Variants in MSRA observed in about 807,000 individuals in gnomAD.
MSRA encodes the protein mitochondrial peptide methionine sulfoxide reductase.
Under a neutral mutation model 31.3 loss-of-function variants are expected in MSRA, and 54 were observed. The observed-to-expected ratio is 1.73, with a 90% CI of 1.39 to 2.17. The LOEUF is 2.17. Among genes scored for constraint, MSRA ranks in the 30% most tolerant of loss-of-function variants. The pLI is 0.00. For missense variants in MSRA, 507 were observed against 300.9 expected (o/e 1.69, Z -5.07); for synonymous variants, 169 against 116.5 (o/e 1.45, Z -2.90).
intron 1 of MSRA, among the ~76,000 whole-genome samples, chr8:10,114,809 C>G (rs978264593): frequency 6.6e-6 from 1 of 152,164 alleles, no homozygotes; most frequent in African/African-American, 2.4e-5. Flanking sequence ...TGTCAATTCT[C>G]TTAAAATCTC....
chr8:10,148,347 A>G (rs1369794466), intron 1 of MSRA, among the ~76,000 whole-genome samples: 1 of 151,590 alleles, frequency 6.6e-6, no homozygotes, highest in Non-Finnish European at 1.5e-5. Flanking sequence ...TTGTTTTTAA[A>G]ATTAGGAATA....
intron 1 of MSRA, among the ~76,000 whole-genome samples, chr8:10,075,810 G>T (rs986275058): frequency 6.6e-6 from 1 of 152,172 alleles, no homozygotes; most frequent in African/African-American, 2.4e-5. Context: ...CATTCTGTTA[G>T]CATCATTCAT....
At chr8:10,289,445 C>T (rs1489009857) in intron 3 of MSRA, among the ~76,000 whole-genome samples, 1 of 152,000 alleles carries the variant, frequency 6.6e-6, no homozygotes, top group East Asian at 1.9e-4. Context: ...ATACAGGATG[C>T]AGTGTGTAGG....
chr8:10,183,183 T>G (rs1806699287), intron 1 of MSRA, among the ~76,000 whole-genome samples: 1 of 152,180 alleles, frequency 6.6e-6, no homozygotes, highest in South Asian at 2.1e-4. Context: ...CTAGACTTGG[T>G]ACTCCCTTGA....
At chr8:10,213,728 G>T (rs981921672) in intron 2 of MSRA, among the ~76,000 whole-genome samples, 1 of 152,018 alleles carries the variant, frequency 6.6e-6, no homozygotes, top group African/African-American at 2.4e-5. Context: ...ATTCTTCTGT[G>T]GATGGACACT....
intron 3 of MSRA, among the ~76,000 whole-genome samples, chr8:10,293,630 C>T (rs1361446720): frequency 6.6e-6 from 1 of 152,206 alleles, no homozygotes; most frequent in Non-Finnish European, 1.5e-5. Context: ...GAAGAAAGGT[C>T]CGACGTGTCT....
chr8:10,300,099 C>A (rs1800759229), intron 3 of MSRA, among the ~76,000 whole-genome samples: 1 of 149,986 alleles, frequency 6.7e-6, no homozygotes, highest in African/African-American at 2.5e-5. Flanking sequence ...GAAAAGCATG[C>A]TGTAATGAAT....
intron 1 of MSRA, among the ~76,000 whole-genome samples, chr8:10,104,637 G>T (rs1053435996): frequency 6.6e-6 from 1 of 152,192 alleles, no homozygotes; most frequent in African/African-American, 2.4e-5. Flanking sequence ...AAGCCTCCTG[G>T]TAGCAGGTTT....
chr8:10,414,779 G>A (rs1808356872), intron 5 of MSRA, among the ~76,000 whole-genome samples: 1 of 152,174 alleles, frequency 6.6e-6, no homozygotes, highest in South Asian at 2.1e-4. Context: ...TCCCTGAAAA[G>A]TGAAAAGTGG....
chr8:10,425,683 G>C (rs1044554653), intron 5 of MSRA, among the ~76,000 whole-genome samples: 1 of 152,226 alleles, frequency 6.6e-6, no homozygotes, highest in African/African-American at 2.4e-5. Flanking sequence ...GGCCGGGAGC[G>C]AGGCCCGTCT....
chr8:10,203,706 G>A (rs1198299506), intron 1 of MSRA, among the ~76,000 whole-genome samples: 1 of 152,092 alleles, frequency 6.6e-6, no homozygotes, highest in Non-Finnish European at 1.5e-5. Context: ...TATACTTTTT[G>A]TCCTTATTTT....
At chr8:10,289,291 G>A (rs1480117252) in intron 3 of MSRA, among the ~76,000 whole-genome samples, 2 of 152,090 alleles carry the variant, frequency 1.3e-5, no homozygotes, top group African/African-American at 2.4e-5. Flanking sequence ...GGGATTACAG[G>A]CATGAGCCAC....
intron 3 of MSRA, among the ~76,000 whole-genome samples, chr8:10,291,288 A>T (rs1194677438): frequency 6.6e-6 from 1 of 152,010 alleles, no homozygotes; most frequent in African/African-American, 2.4e-5. Context: ...GTGTCTCCCC[A>T]TGGCGGGCCA....
intron 5 of MSRA, among the ~76,000 whole-genome samples, chr8:10,344,629 A>G (rs1585536014): frequency 6.6e-6 from 1 of 151,090 alleles, no homozygotes; most frequent in South Asian, 2.1e-4. Context: ...TGGCCTTGAC[A>G]TAAGGATTAT....
chr8:10,328,377 A>T (rs1443900537), intron 5 of MSRA, among the ~76,000 whole-genome samples: 1 of 151,664 alleles, frequency 6.6e-6, no homozygotes, highest in Non-Finnish European at 1.5e-5. Context: ...GAATCAGATT[A>T]ACAGATTCTA....
intron 5 of MSRA, among the ~76,000 whole-genome samples, chr8:10,385,794 C>T (rs185583184): frequency 7.4e-6 from 1 of 135,560 alleles, no homozygotes; most frequent in African/African-American, 2.6e-5. Context: ...TGGATGTTGT[C>T]ACTCACCTGG....
At chr8:10,407,077 G>A (rs1032509806) in intron 5 of MSRA, among the ~76,000 whole-genome samples, 1 of 141,954 alleles carries the variant, frequency 7.0e-6, no homozygotes, top group Non-Finnish European at 1.5e-5. Flanking sequence ...GAGGTTCACT[G>A]TGTTACCCAG....
chr8:10,352,434 G>C (rs1023753736), intron 5 of MSRA, among the ~76,000 whole-genome samples: 1 of 152,170 alleles, frequency 6.6e-6, no homozygotes, highest in Non-Finnish European at 1.5e-5. Context: ...CAGGGCAGCA[G>C]AGTTGAAGAG....
chr8:10,174,723 T>C (rs1005966201), intron 1 of MSRA, among the ~76,000 whole-genome samples: 4 of 152,178 alleles, frequency 2.6e-5, no homozygotes, highest in Admixed American at 2.6e-4. Flanking sequence ...TGTCTACTGC[T>C]ATCTCTGTCA....
Sources: gnomAD v4.1 joint callset for allele counts (sites outside exome capture counted in the v4.1 genomes callset) on GRCh38, gnomAD v4.1.1 for gene constraint, MANE v1.5 for transcripts, NCBI Gene and HGNC (gene_info 2026-07-23, HGNC 2026-07-21) for gene names.